The following KIAA1217 variants were observed in gnomAD, a reference collection of about 807,000 sequenced individuals.
The protein encoded by KIAA1217 is sickle tail protein homolog.
Under a neutral mutation model 163.9 loss-of-function variants are expected in KIAA1217, and 88 were observed. The observed-to-expected ratio is 0.54, with a 90% confidence interval of 0.45 to 0.64. The LOEUF (loss-of-function observed/expected upper bound fraction) is 0.64. Among genes scored for constraint, KIAA1217 ranks in the 30% least tolerant of loss-of-function variants. The pLI is 0.00. For synonymous variants in KIAA1217, 903 were observed against 923.1 expected, an observed-to-expected ratio of 0.98 and a Z score of 0.39; for missense variants, 2,372 against 2,475.0, an observed-to-expected ratio of 0.96 and a Z score of 0.88.
intron 2 of KIAA1217, among the ~76,000 whole-genome samples, chr10:24,310,690 G>A (rs2042585406): frequency 1.3e-5 from 2 of 152,140 alleles, no homozygotes; most frequent in South Asian, 2.1e-4. Context: ...CCTTTTCCAA[G>A]GCAGGGCACA....
intron 1 of KIAA1217, among the ~76,000 whole-genome samples, chr10:23,804,014 A>G (rs1240261344): frequency 1.3e-5 from 2 of 152,220 alleles, no homozygotes; most frequent in Non-Finnish European, 2.9e-5. Context: ...TAGACCTAAA[A>G]TAATATTTTA....
intron 1 of KIAA1217, among the ~76,000 whole-genome samples, chr10:23,902,284 C>A (rs977400288): frequency 6.6e-6 from 1 of 152,042 alleles, no homozygotes; most frequent in African/African-American, 2.4e-5. Flanking sequence ...AAACCAAATA[C>A]CACACATTCT....
At chr10:24,188,798 T>G (rs768987646) in intron 2 of KIAA1217, among the ~76,000 whole-genome samples, 11 of 152,178 alleles carry the variant, frequency 7.2e-5, no homozygotes, top group Admixed American at 2.6e-4. Context: ...GCTTGATGAT[T>G]GATGAGTCAA....
At chr10:23,877,027 G>T (rs1011306269) in intron 1 of KIAA1217, among the ~76,000 whole-genome samples, 2 of 151,904 alleles carry the variant, frequency 1.3e-5, no homozygotes, top group African/African-American at 2.4e-5. Flanking sequence ...TAAAAGTTCT[G>T]CATTTTAAAA....
At chr10:24,242,283 T>C (rs1439555121) in intron 2 of KIAA1217, among the ~76,000 whole-genome samples, 1 of 152,170 alleles carries the variant, frequency 6.6e-6, no homozygotes, top group Non-Finnish European at 1.5e-5. Context: ...GTGTATTTTG[T>C]TCCCATGTTT....
intron 2 of KIAA1217, among the ~76,000 whole-genome samples, chr10:24,290,263 C>T (rs1039233820): frequency 1.3e-5 from 2 of 152,076 alleles, no homozygotes; most frequent in African/African-American, 2.4e-5. Flanking sequence ...TCATTATCTG[C>T]ATAAGAGTGA....
intron 4 of KIAA1217, among the ~76,000 whole-genome samples, chr10:24,434,227 C>T (rs946898254): frequency 2.0e-5 from 3 of 151,924 alleles, no homozygotes; most frequent in Middle Eastern, 3.4e-3. Flanking sequence ...TTAGTAGGTA[C>T]GGGGTTTTAC....
At chr10:24,284,325 C>T (rs2132292822) in intron 2 of KIAA1217, among the ~76,000 whole-genome samples, 1 of 152,244 alleles carries the variant, frequency 6.6e-6, no homozygotes, top group East Asian at 1.9e-4. Flanking sequence ...AAACCTGTCA[C>T]CCAGATAGTG....
chr10:24,464,678 C>T (rs1363131937), intron 5 of KIAA1217, among the ~76,000 whole-genome samples: 1 of 152,122 alleles, frequency 6.6e-6, no homozygotes, highest in Non-Finnish European at 1.5e-5. Context: ...ATAGGCTGGG[C>T]CTCCCTATGT....
At chr10:24,314,778 T>C (rs2043142338) in intron 2 of KIAA1217, among the ~76,000 whole-genome samples, 1 of 151,718 alleles carries the variant, frequency 6.6e-6, no homozygotes, top group Non-Finnish European at 1.5e-5. Flanking sequence ...CCATCTCTAC[T>C]AAAAATACAA....
chr10:24,544,890 T>G, intron 19 of KIAA1217, 91 bp from the exon 20 acceptor site: 24 of 1,420,718 alleles, frequency 1.7e-5, no homozygotes, highest in South Asian at 2.6e-5. Flanking sequence ...CTTCTCACCT[T>G]GAGCTTCTCT....
At chr10:23,961,442 T>A (rs1844816634) in intron 1 of KIAA1217, among the ~76,000 whole-genome samples, 1 of 152,196 alleles carries the variant, frequency 6.6e-6, no homozygotes, top group Non-Finnish European at 1.5e-5. Context: ...TAGAGAGCCA[T>A]GAATTTAATG....
At chr10:23,925,217 AG>A (rs66667321) in intron 1 of KIAA1217, among the ~76,000 whole-genome samples, 30,376 of 152,050 alleles carry the variant, frequency 0.2, 3,294 homozygotes, top group Middle Eastern at 0.27. Flanking sequence ...AGAAGGAAAA[AG>A]ATAAGGAAAC....
chr10:24,009,785 T>G (rs544052853), intron 2 of KIAA1217, among the ~76,000 whole-genome samples: 7 of 152,304 alleles, frequency 4.6e-5, no homozygotes, highest in Admixed American at 6.5e-5. Context: ...TATTTCTGGC[T>G]CTTGACACTT....
chr10:23,813,791 T>C (rs139083332), intron 1 of KIAA1217, among the ~76,000 whole-genome samples: 1 of 152,302 alleles, frequency 6.6e-6, no homozygotes, highest in East Asian at 1.9e-4. Flanking sequence ...CTTTCTAGAC[T>C]GCATGCAAAT....
At chr10:24,330,862 C>T (rs1259142307) in intron 2 of KIAA1217, among the ~76,000 whole-genome samples, 2 of 152,172 alleles carry the variant, frequency 1.3e-5, no homozygotes, top group East Asian at 1.9e-4. Flanking sequence ...AATCTGCCCA[C>T]CTTGGCCTCC....
At chr10:24,191,785 G>A (rs375569203) in intron 2 of KIAA1217, among the ~76,000 whole-genome samples, 7 of 152,172 alleles carry the variant, frequency 4.6e-5, no homozygotes, top group African/African-American at 1.7e-4. Context: ...ACAGAGTCTC[G>A]CTCTGTTGCC....
chr10:24,097,263 A>G (rs945578153), intron 2 of KIAA1217, among the ~76,000 whole-genome samples: 12 of 152,232 alleles, frequency 7.9e-5, no homozygotes, highest in African/African-American at 2.4e-4. Flanking sequence ...TTCAGAGATT[A>G]GCATCTGGCT....
chr10:24,000,717 T>C (rs79457655), intron 1 of KIAA1217, among the ~76,000 whole-genome samples: 2,773 of 152,296 alleles, frequency 0.018, 76 homozygotes, highest in African/African-American at 0.064. Flanking sequence ...GCTGGAAAGA[T>C]TGATGAGCAT....
Sources: gnomAD v4.1 joint callset for allele counts (sites outside exome capture counted in the v4.1 genomes callset) on GRCh38, gnomAD v4.1.1 for gene constraint, MANE v1.5 for transcripts, NCBI Gene and HGNC (gene_info 2026-07-23, HGNC 2026-07-21) for gene names.